Variants in RAD51 observed in about 807,000 individuals in gnomAD.
RAD51 encodes DNA repair protein RAD51 homolog 1.
In RAD51, 14 loss-of-function variants were observed where a neutral mutation model predicts 41.5. That is an observed-to-expected ratio of 0.34 (90% confidence interval 0.22 to 0.53). The LOEUF is 0.53. Ranked by LOEUF, RAD51 falls within the 20% of genes least tolerant of loss-of-function variation. RAD51 has a pLI of 0.95. For synonymous variants in RAD51, 136 were observed against 148.6 expected, an observed-to-expected ratio of 0.92 and a Z score of 0.62; for missense variants, 234 against 422.0, an observed-to-expected ratio of 0.55 and a Z score of 3.90.
In RAD51 at chr15:40,728,753, T is replaced by C. The variant is rs1414812154; in HGVS notation, c.573T>C (p.Tyr191=). 2 of 1,614,030 alleles carry C rather than the reference T, an allele frequency of 1.2e-6. No homozygotes were observed. The highest frequency in any genetic ancestry group is 2.7e-5 in the African/African-American group (2 of 74,932). Residue 191 remains tyrosine (Y), a synonymous_variant, in exon 7 of 10, where the codon TAT becomes TAC. Transcript: ENST00000267868. ...SGSDVLDNVA[Y]ARAFNTDHQT... ...GTGATGTCCTGGATAATGTAGCATA[T>C]GCTCGAGCGTTCAACACAGACCACC...
intron 3 of RAD51, among the ~76,000 whole-genome samples, chr15:40,704,225 C>T (rs1004905358): frequency 1.3e-5 from 2 of 151,804 alleles, no homozygotes; most frequent in East Asian, 1.9e-4. Flanking sequence ...AGGCACGTGC[C>T]GCCATGCCCA....
rs1227345592 is a variant in RAD51, at chr15:40,716,279, G to T, written c.436-2526G>T. On this transcript the variant is annotated intron_variant, in intron 5 of 9. Transcript: ENST00000267868. ...AAGTGGAAGAACCACTTATATAAAA[G>T]AAGTATATGAAAATGCATAGAAAAT... Among the ~76,000 whole-genome samples, 4 of 152,048 alleles carry T rather than the reference G, an allele frequency of 2.6e-5. No individual in the cohort carries two copies. The South Asian group carries it at 6.2e-4, about 24-fold the overall frequency.
chr15:40,721,733 T>G (rs879740551), intron 6 of RAD51, among the ~76,000 whole-genome samples: 5 of 152,162 alleles, frequency 3.3e-5, no homozygotes, highest in Middle Eastern at 3.2e-3. Context: ...CTTTAGACCC[T>G]TACTATATAC....
intron 2 of RAD51, among the ~76,000 whole-genome samples, chr15:40,699,919 A>G (rs1297322046): frequency 1.3e-5 from 2 of 152,030 alleles, no homozygotes; most frequent in South Asian, 2.1e-4. Flanking sequence ...TCTTTTTTTC[A>G]TATTTCCCAT....
chr15:40,707,312 T>C (rs1895412978), intron 4 of RAD51, among the ~76,000 whole-genome samples: 1 of 140,216 alleles, frequency 7.1e-6, no homozygotes, highest in African/African-American at 2.7e-5. Flanking sequence ...TCAGTTTTCT[T>C]TCCCTTTTTT....
chr15:40,730,520 C>CTTTTTTT (rs778467789), intron 9 of RAD51, among the ~76,000 whole-genome samples: 1 of 113,108 alleles, frequency 8.8e-6, no homozygotes, highest in Non-Finnish European at 1.7e-5. Flanking sequence ...AATTTTTTTT[C>CTTTTTTT]TTTTTTTTTT....
intron 7 of RAD51, among the ~76,000 whole-genome samples, chr15:40,729,087 T>C (rs778229826): frequency 1.3e-5 from 2 of 152,086 alleles, no homozygotes; most frequent in Admixed American, 6.6e-5. Flanking sequence ...AACATCTATA[T>C]ACAGGCCGGG....
At chr15:40,711,581 C>T (rs1306322288) in intron 5 of RAD51, among the ~76,000 whole-genome samples, 1 of 152,076 alleles carries the variant, frequency 6.6e-6, no homozygotes, top group Admixed American at 6.6e-5. Flanking sequence ...TCATGGAATA[C>T]TTTATGGAGA....
In RAD51 at chr15:40,704,508, C is replaced by G. The variant is rs1442461355; in HGVS notation, c.226-1669C>G. 3.3e-5 allele frequency among the ~76,000 whole-genome samples: 5 copies of G among 151,760 alleles called. 1 individual carries two copies. In the South Asian group the frequency reaches 1.0e-3, roughly 32 times the overall value. On this transcript the variant is annotated intron_variant, in intron 3 of 9. Transcript: ENST00000267868. ...TCCTGAGTAGTTGGGACTACAGGCG[C>G]ACGCCACCACGCCCAGCTATTTTTT... is the stretch of plus-strand genomic sequence containing the variant.
In RAD51 at chr15:40,732,312, T is replaced by A; in HGVS notation, c.*1134T>A. The A allele has an allele frequency of 6.0e-6, 1 of 165,820 alleles. No individual in the cohort carries two copies. Among genetic ancestry groups the A allele is most frequent in the Non-Finnish European group, 1.3e-5 (1 of 76,488 alleles). The allele number at this position is 165,820 out of a possible 1,614,324, so 10.3% of individuals were successfully genotyped here. On this transcript the variant is annotated 3_prime_UTR_variant, in exon 10 of 10. Transcript: ENST00000267868. ...CTTGCAGATGATTGTGCTTAAAAGC[T>A]AATGGAAAAATAAAAGAAAGACATA...
intron 6 of RAD51, among the ~76,000 whole-genome samples, chr15:40,722,048 C>G (rs7172635): frequency 1.3e-5 from 2 of 152,130 alleles, no homozygotes; most frequent in Non-Finnish European, 2.9e-5. Context: ...GTAGGAAATT[C>G]TGACACATGC....
Position 40,728,777 on chromosome 15 carries a change from C to T in RAD51, c.597C>T (p.His199=), listed in dbSNP as rs1427448488. 1.2e-6 allele frequency: 2 copies of T among 1,614,092 alleles called. No individual in the cohort carries two copies. The highest frequency in any genetic ancestry group is 1.7e-5 in the Admixed American group (1 of 60,008). The change falls in exon 7 of 10, where the codon CAC becomes CAT. Residue 199 remains histidine (H), a synonymous_variant. Coordinates refer to ENST00000267868, the MANE Select transcript of RAD51 (RefSeq NM_002875.5). ...VAYARAFNTD[H]QTQLLYQASA... ...ATGCTCGAGCGTTCAACACAGACCA[C>T]CAGACCCAGCTCCTTTATCAAGCAT...
At chr15:40,710,501 C>CA (rs747933816) in intron 5 of RAD51, among the ~76,000 whole-genome samples, 5,666 of 47,532 alleles carry the variant, frequency 0.12, 685 homozygotes, top group East Asian at 0.47. Flanking sequence ...GACTCTGTCT[C>CA]AAAAAAAAAA....
upstream of RAD51, chr15:40,695,119 G>A (rs1162013585): frequency 6.6e-6 from 1 of 152,340 alleles, no homozygotes; most frequent in Non-Finnish European, 1.5e-5. Flanking sequence ...GATCCGGGAG[G>A]CGGGGATACG....
intron 7 of RAD51, among the ~76,000 whole-genome samples, chr15:40,729,110 A>G (rs540748631): frequency 6.6e-6 from 1 of 152,082 alleles, no homozygotes; most frequent in Non-Finnish European, 1.5e-5. Flanking sequence ...CGGTGGCTCA[A>G]GCCTGTAATC....
rs539735977 is a variant in RAD51, at chr15:40,704,220, C to T, written c.226-1957C>T. Reference sequence around the variant, plus strand: ...TCCTGAGTGGCTGGGATTACAGGCACGTGCCGCCATGCCCAGCTAATTTTT... The same window carrying T: ...TCCTGAGTGGCTGGGATTACAGGCATGTGCCGCCATGCCCAGCTAATTTTT... On this transcript the variant is annotated intron_variant, in intron 3 of 9. Transcript: ENST00000267868. Among the ~76,000 whole-genome samples the T allele has an allele frequency of 4.7e-4, 72 of 151,888 alleles. 1 individual carries two copies. In the South Asian group the frequency reaches 0.013, roughly 27 times the overall value.
chr15:40,729,629 G>T lies in RAD51; in HGVS notation c.769G>T (p.Asp257Tyr). Residue 257 changes from aspartate (D) to tyrosine (Y), a missense_variant, in exon 8 of 10, where the codon GAT becomes TAT. Physicochemically the swap from Asp to Tyr is radical, Grantham distance 160. Transcript: ENST00000267868. ...TCTGCGGATGCTTCTGCGACTCGCT[G>T]ATGAGGTAAGTTGTGGGATAGGGAC... is the stretch of plus-strand genomic sequence containing the variant. ...RFLRMLLRLADEFGVAVVITN... is the reference protein window; with the variant it reads ...RFLRMLLRLAYEFGVAVVITN... The T allele has an allele frequency of 6.2e-7, 1 of 1,613,838 alleles. No homozygotes were observed. Among genetic ancestry groups the T allele is most frequent in the Non-Finnish European group, 8.5e-7 (1 of 1,180,016 alleles).
intron 5 of RAD51, among the ~76,000 whole-genome samples, chr15:40,714,258 G>A (rs950688170): frequency 1.1e-4 from 16 of 152,136 alleles, no homozygotes; most frequent in Non-Finnish European, 1.9e-4. Context: ...TAGCTATTGC[G>A]TGAGCTCCAT....
At position 40,728,586 on chromosome 15, in the gene RAD51, G is replaced by A. The variant is rs185309551; in HGVS notation, c.531-125G>A. On this transcript the variant is annotated intron_variant, in intron 6 of 9. Transcript: ENST00000267868. ...TAATAGAAAGGGAAATACATTCTTT[G>A]GTCCTGAAACTACTGTCAGTACCAC... 503 of 827,194 alleles carry A rather than the reference G, an allele frequency of 6.1e-4. 2 individuals are homozygous for A. In the African/African-American group the frequency reaches 7.5e-3, roughly 12 times the overall value. 51.2% of individuals were successfully genotyped at this position (827,194 alleles called of 1,614,324 possible).
Sources: allele counts gnomAD v4.1 joint callset (sites outside exome capture counted in the v4.1 genomes callset), GRCh38; gene constraint gnomAD v4.1.1; transcripts MANE v1.5; gene names NCBI Gene and HGNC (gene_info 2026-07-23, HGNC 2026-07-21).